The following MTDH variants were observed in gnomAD, a reference collection of about 807,000 sequenced individuals.
MTDH encodes the protein protein LYRIC.
Under a neutral mutation model 72.7 loss-of-function variants are expected in MTDH, and 34 were observed. The ratio of observed to expected loss-of-function variants is 0.47; its 90% CI spans 0.36 to 0.62. MTDH has a LOEUF of 0.62. Among genes scored for constraint, MTDH ranks in the 20% least tolerant of loss-of-function variants. The pLI is 0.00. For synonymous variants in MTDH, 266 were observed against 268.9 expected, an observed-to-expected ratio of 0.99 and a Z score of 0.10; for missense variants, 677 against 699.4, an observed-to-expected ratio of 0.97 and a Z score of 0.36.
intron 1 of MTDH, among the ~76,000 whole-genome samples, 153 bp downstream of exon 1, chr8:97,645,040 T>G (rs1433562367): frequency 6.6e-6 from 1 of 151,496 alleles, no homozygotes; most frequent in Non-Finnish European, 1.5e-5. Flanking sequence ...AGGTGATAGG[T>G]GGTCATGTTA....
intron 6 of MTDH, among the ~76,000 whole-genome samples, chr8:97,697,279 C>T (rs1813900020): frequency 1.3e-5 from 2 of 149,116 alleles, no homozygotes; most frequent in African/African-American, 2.5e-5. Flanking sequence ...CATTGTGGGC[C>T]GTGCAGCCTC....
chr8:97,661,249 CA>C, intron 2 of MTDH, 76 bp downstream of exon 2: 1 of 1,120,444 alleles, frequency 8.9e-7, no homozygotes, highest in Non-Finnish European at 1.3e-6. Context: ...TTTTCTGTTT[CA>C]TAAGATTGTA....
At chr8:97,651,918 A>C (rs1263152478) in intron 1 of MTDH, among the ~76,000 whole-genome samples, 1 of 152,216 alleles carries the variant, frequency 6.6e-6, no homozygotes, top group Non-Finnish European at 1.5e-5. Context: ...TCAGTTATTC[A>C]AGCCAAAAAT....
chr8:97,680,638 CAT>C (rs1446016618), intron 2 of MTDH, among the ~76,000 whole-genome samples: 2 of 152,094 alleles, frequency 1.3e-5, no homozygotes, highest in Non-Finnish European at 2.9e-5. Context: ...GGAAAGAAGA[CAT>C]AATGTGAAAT....
At chr8:97,677,440 G>A (rs181954655) in intron 2 of MTDH, among the ~76,000 whole-genome samples, 3,688 of 149,264 alleles carry the variant, frequency 0.025, 73 homozygotes, top group South Asian at 0.047. Flanking sequence ...GCAGTGAGCT[G>A]AGATCATGCC....
At chr8:97,650,351 T>C (rs1320663926) in intron 1 of MTDH, among the ~76,000 whole-genome samples, 2 of 150,592 alleles carry the variant, frequency 1.3e-5, no homozygotes, top group African/African-American at 2.5e-5. Context: ...CTTGGCTCAC[T>C]GCAACCTCAA....
Position 97,691,946 on chromosome 8 carries a change from C to T in MTDH, c.1048+758C>T, listed in dbSNP as rs138279589. 4.0e-3 allele frequency among the ~76,000 whole-genome samples: 602 copies of T among 152,130 alleles called. 14 individuals carry two copies. The highest frequency in any genetic ancestry group is 0.036 in the Admixed American group (551 of 15,272). ...CCAGGCTGGAGTGCAGTGGCGCGAT[C>T]TCAGCTCACTGCAACCTCCACCTCC... On this transcript the variant is annotated intron_variant, in intron 6 of 11. Coordinates refer to ENST00000336273, the MANE Select transcript of MTDH (RefSeq NM_178812.4).
chr8:97,672,859 T>A (rs1812683989), intron 2 of MTDH, among the ~76,000 whole-genome samples: 1 of 152,158 alleles, frequency 6.6e-6, no homozygotes, highest in East Asian at 1.9e-4. Flanking sequence ...TGTCTTAGGA[T>A]TGTGAGTTTA....
rs1054382150 is a variant in MTDH at position 97,728,431 on chromosome 8, T to G, written c.*3761T>G. On this transcript the variant is annotated 3_prime_UTR_variant, in exon 12 of 12. Transcript: ENST00000336273. ...AAGCACTTTTGAAAATGTCACTGTTTGTGACACACAATGTTCTCTACAGAA... is the reference window on the plus strand; with the variant it reads ...AAGCACTTTTGAAAATGTCACTGTTGGTGACACACAATGTTCTCTACAGAA... 10 of 152,214 alleles carry G rather than the reference T, an allele frequency of 6.6e-5. No individual in the cohort carries two copies. Among genetic ancestry groups the G allele is most frequent in the Non-Finnish European group, 1.0e-4 (7 of 68,032 alleles). 9.4% of individuals were successfully genotyped at this position (152,214 alleles called of 1,614,324 possible).
At chr8:97,686,972 A>G (rs1456051136) in intron 3 of MTDH, among the ~76,000 whole-genome samples, 1 of 152,136 alleles carries the variant, frequency 6.6e-6, no homozygotes, top group Non-Finnish European at 1.5e-5. Context: ...ATTTAAAGTC[A>G]AGCTCAGTAT....
At chr8:97,675,410 CATT>C (rs1417337187) in intron 2 of MTDH, among the ~76,000 whole-genome samples, 2 of 150,996 alleles carry the variant, frequency 1.3e-5, no homozygotes, top group Non-Finnish European at 3.0e-5. Context: ...AAAATACAAA[CATT>C]AGTTGGGTGT....
Position 97,726,374 on chromosome 8 carries a change from G to C in MTDH, c.*1704G>C, listed in dbSNP as rs186440714. On this transcript the variant is annotated 3_prime_UTR_variant, in exon 12 of 12. Transcript: ENST00000336273. The stretch of plus-strand genomic sequence containing the variant: ...AGATAATAGCTAAAGAGCCAAGGAT[G>C]AATTTCTTCAAATGACTTTATTCTG... 260 of 152,698 alleles carry C rather than the reference G, an allele frequency of 1.7e-3. 2 individuals are homozygous for C. Among genetic ancestry groups the C allele is most frequent in the South Asian group, 6.0e-3 (29 of 4,826 alleles). 9.5% of individuals were successfully genotyped at this position (152,698 alleles called of 1,614,324 possible).
intron 8 of MTDH, among the ~76,000 whole-genome samples, chr8:97,708,961 G>A (rs138952320): frequency 1.3e-5 from 2 of 152,080 alleles, no homozygotes; most frequent in African/African-American, 4.8e-5. Context: ...GCGAGGCCAA[G>A]GTGGGTAGAT....
At chr8:97,696,345 T>C (rs1813833224) in intron 6 of MTDH, 1 of 865,262 alleles carries the variant, frequency 1.2e-6, no homozygotes. Flanking sequence ...TGTTTAATTT[T>C]AGTGCTTGTT....
intron 2 of MTDH, among the ~76,000 whole-genome samples, chr8:97,677,490 CAAAAAA>C (rs934211630): frequency 1.3e-5 from 1 of 77,188 alleles, no homozygotes; most frequent in Non-Finnish European, 2.8e-5. Context: ...GACTCCATCT[CAAAAAA>C]AAAAAAAAGA....
chr8:97,645,275 TAA>T, intron 1 of MTDH, among the ~76,000 whole-genome samples: 1 of 152,246 alleles, frequency 6.6e-6, no homozygotes, highest in Non-Finnish European at 1.5e-5. Context: ...GGAAGTTGTA[TAA>T]AGACTGCGCT....
intron 1 of MTDH, among the ~76,000 whole-genome samples, chr8:97,659,142 C>CAA (rs11346137): frequency 4.0e-5 from 5 of 125,212 alleles, no homozygotes; most frequent in Non-Finnish European, 9.1e-5. Flanking sequence ...GACTGCGTCT[C>CAA]AAAAAAAAAA....
chr8:97,662,067 T>C (rs1285753892), intron 2 of MTDH, among the ~76,000 whole-genome samples: 1 of 152,162 alleles, frequency 6.6e-6, no homozygotes, highest in Non-Finnish European at 1.5e-5. Context: ...AACCGACTCA[T>C]TTTTACTTGA....
intron 6 of MTDH, 73 bp downstream of exon 6, chr8:97,691,261 GAA>G: frequency 9.2e-7 from 1 of 1,087,008 alleles, no homozygotes; most frequent in Non-Finnish European, 1.3e-6. Flanking sequence ...TTCAGAAATA[GAA>G]AAAAAAACTA....
Sources: gnomAD v4.1 joint callset for allele counts (sites outside exome capture counted in the v4.1 genomes callset) on GRCh38, gnomAD v4.1.1 for gene constraint, MANE v1.5 for transcripts, NCBI Gene and HGNC (gene_info 2026-07-23, HGNC 2026-07-21) for gene names.